FTO: variants seen among roughly 807,000 people sequenced by gnomAD.
FTO encodes alpha-ketoglutarate-dependent dioxygenase FTO.
A neutral mutation model predicts 63.9 loss-of-function variants in FTO; 47 were observed. The observed-to-expected ratio is 0.74, with a 90% CI of 0.58 to 0.94. The LOEUF (loss-of-function observed/expected upper bound fraction) is 0.94. Ranked by LOEUF, FTO falls within the 40% of genes least tolerant of loss-of-function variation. The pLI is 0.00. For missense variants in FTO, 562 were observed against 618.1 expected, an observed-to-expected ratio of 0.91 and a Z score of 0.96; for synonymous variants, 207 against 224.4, an observed-to-expected ratio of 0.92 and a Z score of 0.69.
intron 2 of FTO, among the ~76,000 whole-genome samples, chr16:53,810,917 A>G (rs1365421480): frequency 6.6e-6 from 1 of 152,202 alleles, no homozygotes; most frequent in Non-Finnish European, 1.5e-5. Context: ...GGACTCTGAC[A>G]GCCCAAGGGG....
At chr16:53,766,852 T>C (rs1457937253) in intron 1 of FTO, among the ~76,000 whole-genome samples, 2 of 152,172 alleles carry the variant, frequency 1.3e-5, no homozygotes, top group Admixed American at 1.3e-4. Flanking sequence ...GGTCTCTGGG[T>C]TGCATCGCCA....
chr16:53,769,014 T>C lies in FTO; in HGVS notation c.46-41126T>C, dbSNP rs150572197. On this transcript the variant is annotated intron_variant, in intron 1 of 8. Coordinates refer to ENST00000471389, the MANE Select transcript of FTO (RefSeq NM_001080432.3). Reference sequence around the variant, plus strand: ...CCTTCCAGAGACATTTGCATTTTCATGAAAGCGAGTATATAATTACATTGA... The same window carrying C: ...CCTTCCAGAGACATTTGCATTTTCACGAAAGCGAGTATATAATTACATTGA... Among the ~76,000 whole-genome samples, 855 of 152,314 alleles carry C rather than the reference T, an allele frequency of 5.6e-3. 31 individuals carry two copies. Among genetic ancestry groups the C allele is most frequent in the Admixed American group, 0.049 (744 of 15,288 alleles).
chr16:54,013,298 A>G (rs117476262), intron 8 of FTO: 2,336 of 153,832 alleles, frequency 0.015, 36 homozygotes, highest in Non-Finnish European at 0.024. Context: ...ATTGAATTGC[A>G]TAATCTCATG....
At chr16:54,079,858 A>G (rs2086097585) in intron 8 of FTO, among the ~76,000 whole-genome samples, 1 of 152,168 alleles carries the variant, frequency 6.6e-6, no homozygotes, top group Admixed American at 6.5e-5. Flanking sequence ...ACTTTTTATT[A>G]AGATCTCTAT....
intron 8 of FTO, among the ~76,000 whole-genome samples, chr16:54,025,646 T>G (rs2084696190): frequency 6.6e-6 from 1 of 151,748 alleles, no homozygotes; most frequent in African/African-American, 2.4e-5. Flanking sequence ...TTACTTCAAC[T>G]GGGAGGCAGG....
At position 53,987,037 on chromosome 16, in the gene FTO, T is replaced by C. The variant is rs1353418029; in HGVS notation, c.1364+52928T>C. Among the ~76,000 whole-genome samples, 4 of 152,278 alleles carry C rather than the reference T, an allele frequency of 2.6e-5. No homozygotes were observed. In the East Asian group the frequency reaches 7.7e-4, roughly 29 times the overall value. ...TTACATGCATGTAATACCACGCAGA[T>C]GTAAACTTCTATTAAAGCCATATTT... On this transcript the variant is annotated intron_variant, in intron 8 of 8. Coordinates refer to ENST00000471389, the MANE Select transcript of FTO (RefSeq NM_001080432.3).
chr16:53,859,151 C>T (rs1387217823), intron 4 of FTO, among the ~76,000 whole-genome samples: 1 of 152,092 alleles, frequency 6.6e-6, no homozygotes, highest in Non-Finnish European at 1.5e-5. Context: ...TCCATTTTCC[C>T]CTTTGTATGT....
At chr16:54,012,785 ATGG>A (rs1226840740) in intron 8 of FTO, among the ~76,000 whole-genome samples, 1 of 151,984 alleles carries the variant, frequency 6.6e-6, no homozygotes, top group African/African-American at 2.4e-5. Flanking sequence ...TGTTTATAGT[ATGG>A]TTTACTGAAT....
At chr16:53,920,682 A>G (rs868260275) in intron 7 of FTO, among the ~76,000 whole-genome samples, 5 of 152,308 alleles carry the variant, frequency 3.3e-5, no homozygotes, top group Admixed American at 2.6e-4. Context: ...CATGAGGGAT[A>G]TACTGTCTTT....
At chr16:53,811,014 G>C (rs2078506117) in intron 2 of FTO, among the ~76,000 whole-genome samples, 2 of 152,156 alleles carry the variant, frequency 1.3e-5, no homozygotes, top group Admixed American at 1.3e-4. Context: ...AAGTAATCCT[G>C]TTGGCCTGGT....
At chr16:53,951,375 G>A (rs2082796904) in intron 8 of FTO, among the ~76,000 whole-genome samples, 1 of 152,154 alleles carries the variant, frequency 6.6e-6, no homozygotes, top group African/African-American at 2.4e-5. Context: ...TCCATGTTCA[G>A]TCCCTTAACA....
At chr16:54,106,761 TAATA>T (rs1288866473) in intron 8 of FTO, among the ~76,000 whole-genome samples, 27 of 136,006 alleles carry the variant, frequency 2.0e-4, no homozygotes, top group Middle Eastern at 8.1e-3. Context: ...AATTGTATAA[TAATA>T]AATACATATA....
At chr16:54,036,816 T>C (rs2084949827) in intron 8 of FTO, among the ~76,000 whole-genome samples, 1 of 152,244 alleles carries the variant, frequency 6.6e-6, no homozygotes, top group Admixed American at 6.5e-5. Context: ...AGGACACTTA[T>C]GAAGACTGTT....
intron 8 of FTO, among the ~76,000 whole-genome samples, chr16:54,018,749 C>T (rs1599216671): frequency 6.6e-6 from 1 of 152,162 alleles, no homozygotes. Flanking sequence ...AATGTGTTTG[C>T]TTCCCCTTCT....
At chr16:54,015,241 T>A (rs2111118) in intron 8 of FTO, among the ~76,000 whole-genome samples, 1 of 151,950 alleles carries the variant, frequency 6.6e-6, no homozygotes, top group African/African-American at 2.4e-5. Context: ...CAGCTATTTA[T>A]GTATTACAAA....
intron 4 of FTO, among the ~76,000 whole-genome samples, chr16:53,845,047 G>A (rs1421723293): frequency 6.6e-6 from 1 of 152,116 alleles, no homozygotes; most frequent in African/African-American, 2.4e-5. Flanking sequence ...GCCAACTGAA[G>A]CTGTGGAGTT....
intron 3 of FTO, among the ~76,000 whole-genome samples, chr16:53,833,657 T>C (rs1212755430): frequency 6.6e-6 from 1 of 152,006 alleles, no homozygotes; most frequent in African/African-American, 2.4e-5. Context: ...ACTGCTGTAC[T>C]GTTTTCTACA....
intron 8 of FTO, among the ~76,000 whole-genome samples, chr16:53,956,244 G>A (rs1253916756): frequency 1.3e-5 from 2 of 152,104 alleles, no homozygotes; most frequent in Non-Finnish European, 2.9e-5. Context: ...GAGCATCCCT[G>A]TGATATTTCT....
intron 8 of FTO, among the ~76,000 whole-genome samples, chr16:54,059,597 A>G (rs1161703437): frequency 6.6e-6 from 1 of 152,182 alleles, no homozygotes; most frequent in Non-Finnish European, 1.5e-5. Context: ...GCAGTGGTTA[A>G]GCGCTGCTCC....
Sources: allele counts gnomAD v4.1 joint callset (sites outside exome capture counted in the v4.1 genomes callset), GRCh38; gene constraint gnomAD v4.1.1; transcripts MANE v1.5; gene names NCBI Gene and HGNC (gene_info 2026-07-23, HGNC 2026-07-21).